The following STMN2 variants were observed in gnomAD, a reference collection of about 807,000 sequenced individuals.
STMN2 encodes the protein stathmin 2.
STMN2 carries 2 observed loss-of-function variants against 24.1 expected under a neutral mutation model. The ratio of observed to expected loss-of-function variants is 0.08; its 90% confidence interval spans 0.03 to 0.26. STMN2 has a LOEUF of 0.26. Ranked by LOEUF, STMN2 falls within the 10% of genes least tolerant of loss-of-function variation. The pLI is 1.00. For synonymous variants in STMN2, 83 were observed against 77.5 expected, an observed-to-expected ratio of 1.07 and a Z score of -0.37; for missense variants, 114 against 213.6, an observed-to-expected ratio of 0.53 and a Z score of 2.91.
At chr8:79,611,756 G>A in intron 1 of STMN2, 1 of 983,142 alleles carries the variant, frequency 1.0e-6, no homozygotes, top group Non-Finnish European at 1.2e-6. Context: ...TTGTCTCGTC[G>A]AAGAAACCGC....
chr8:79,635,361 A>G (rs999045680), intron 1 of STMN2, among the ~76,000 whole-genome samples: 1 of 152,022 alleles, frequency 6.6e-6, no homozygotes, highest in African/African-American at 2.4e-5. Context: ...GAGACAAAGA[A>G]CTTAAAACAG....
At chr8:79,656,884 G>GTTTTTTTTTTTTTTTT (rs71266026) in intron 4 of STMN2, among the ~76,000 whole-genome samples, 4 of 150,202 alleles carry the variant, frequency 2.7e-5, no homozygotes, top group Non-Finnish European at 3.0e-5. Flanking sequence ...TTGTTTGTTT[G>GTTTTTTTTTTTTTTTT]TTTTTTTGAG....
intron 1 of STMN2, among the ~76,000 whole-genome samples, chr8:79,622,894 C>T (rs1809550514): frequency 6.6e-6 from 1 of 152,102 alleles, no homozygotes; most frequent in African/African-American, 2.4e-5. Context: ...CTCGTTCTTT[C>T]TTAACATCTT....
At chr8:79,653,023 A>G (rs1810368818) in intron 3 of STMN2, among the ~76,000 whole-genome samples, 1 of 152,110 alleles carries the variant, frequency 6.6e-6, no homozygotes, top group African/African-American at 2.4e-5. Flanking sequence ...TTTTCTTATT[A>G]TTTTTGTATT....
At chr8:79,617,443 G>C (rs999774358) in intron 1 of STMN2, among the ~76,000 whole-genome samples, 1 of 152,074 alleles carries the variant, frequency 6.6e-6, no homozygotes, top group Non-Finnish European at 1.5e-5. Context: ...CTAGCTTCAG[G>C]GTTTGCAGAA....
chr8:79,617,887 T>C (rs1177890757), intron 1 of STMN2, among the ~76,000 whole-genome samples: 2 of 152,254 alleles, frequency 1.3e-5, no homozygotes, highest in African/African-American at 4.8e-5. Context: ...CTAAGAACTT[T>C]CCACATATTA....
At chr8:79,660,338 A>G (rs369579014) in intron 4 of STMN2, among the ~76,000 whole-genome samples, 4 of 152,328 alleles carry the variant, frequency 2.6e-5, no homozygotes. Flanking sequence ...TTCTGAGCTC[A>G]TAACATGGTA....
chr8:79,617,774 C>A (rs571515234), intron 1 of STMN2, among the ~76,000 whole-genome samples: 1 of 152,218 alleles, frequency 6.6e-6, no homozygotes, highest in Non-Finnish European at 1.5e-5. Context: ...TTTCTTTCAA[C>A]TGTTTTTCTG....
At chr8:79,624,326 T>C (rs1336916553) in intron 1 of STMN2, among the ~76,000 whole-genome samples, 27 of 150,596 alleles carry the variant, frequency 1.8e-4, no homozygotes, top group Middle Eastern at 3.4e-3. Context: ...TGGTGGCGGG[T>C]GCCTGTAGTC....
intron 4 of STMN2, among the ~76,000 whole-genome samples, chr8:79,657,897 T>C (rs1213267968): frequency 6.6e-6 from 1 of 152,216 alleles, no homozygotes; most frequent in Non-Finnish European, 1.5e-5. Flanking sequence ...AAGTTACTCC[T>C]ATTAAATTAG....
chr8:79,641,311 A>C, intron 2 of STMN2, 67 bp from the exon 3 acceptor site: 1 of 1,525,074 alleles, frequency 6.6e-7, no homozygotes, highest in Non-Finnish European at 8.8e-7. Flanking sequence ...GCTGGAATCT[A>C]AATTATTAAA....
At chr8:79,649,266 C>T (rs1290393374) in intron 3 of STMN2, among the ~76,000 whole-genome samples, 2 of 150,938 alleles carry the variant, frequency 1.3e-5, no homozygotes, top group Admixed American at 6.7e-5. Flanking sequence ...GAATATGGCA[C>T]GTGGGCCACA....
At chr8:79,660,422 C>G (rs1806478104) in intron 4 of STMN2, among the ~76,000 whole-genome samples, 2 of 152,156 alleles carry the variant, frequency 1.3e-5, no homozygotes, top group Non-Finnish European at 2.9e-5. Flanking sequence ...TTGACAACTG[C>G]TTTCCCCTAT....
chr8:79,613,721 TTCC>T, intron 1 of STMN2: 3 of 985,476 alleles, frequency 3.0e-6, no homozygotes, highest in Non-Finnish European at 3.6e-6. Context: ...TTCGCTTTGC[TTCC>T]TCCTAATTGC....
intron 3 of STMN2, among the ~76,000 whole-genome samples, chr8:79,651,538 C>G (rs1480188031): frequency 6.6e-6 from 1 of 152,212 alleles, no homozygotes; most frequent in East Asian, 1.9e-4. Context: ...GCTGTATTAC[C>G]TTGTAATTTC....
Position 79,650,814 on chromosome 8 carries a change from C to T in STMN2, c.289-4057C>T, listed in dbSNP as rs182325780. On this transcript the variant is annotated intron_variant, in intron 3 of 4. Coordinates refer to ENST00000220876, the MANE Select transcript of STMN2 (RefSeq NM_007029.4). The stretch of plus-strand genomic sequence containing the variant: ...GCTGGACAGGTGTCGTGTTGCACGC[C>T]TGTAGTCCCAGCTGTGCAGGAGGCT... Among the ~76,000 whole-genome samples the T allele has an allele frequency of 8.3e-4, 127 of 152,180 alleles. 1 individual carries two copies. Among genetic ancestry groups the T allele is most frequent in the Middle Eastern group, 6.8e-3 (2 of 294 alleles).
intron 1 of STMN2, among the ~76,000 whole-genome samples, chr8:79,611,961 G>A (rs1017088132): frequency 2.0e-3 from 301 of 151,432 alleles, no homozygotes; most frequent in African/African-American, 6.8e-3. Context: ...CTTCGAAGGC[G>A]CTGGGGTGGG....
chr8:79,646,107 A>G (rs1052222412), intron 3 of STMN2, among the ~76,000 whole-genome samples: 4 of 152,184 alleles, frequency 2.6e-5, no homozygotes, highest in Non-Finnish European at 5.9e-5. Flanking sequence ...AAGCGGCAAT[A>G]TATAGCTTGT....
intron 3 of STMN2, among the ~76,000 whole-genome samples, chr8:79,642,888 G>A (rs1462461127): frequency 6.9e-6 from 1 of 145,018 alleles, no homozygotes; most frequent in Non-Finnish European, 1.5e-5. Flanking sequence ...ATATATATAT[G>A]AATTTTTATA....
Sources: gnomAD v4.1 joint callset for allele counts (sites outside exome capture counted in the v4.1 genomes callset) on GRCh38, gnomAD v4.1.1 for gene constraint, MANE v1.5 for transcripts, NCBI Gene and HGNC (gene_info 2026-07-23, HGNC 2026-07-21) for gene names.